RBFOX1: variants seen among roughly 807,000 people sequenced by gnomAD.
RBFOX1 encodes the protein RNA binding fox-1 homolog 1.
A neutral mutation model predicts 57.7 loss-of-function variants in RBFOX1; 8 were observed. The ratio of observed to expected loss-of-function variants is 0.14; its 90% CI spans 0.08 to 0.25. The LOEUF is 0.25. Ranked by LOEUF, RBFOX1 falls within the 10% of genes least tolerant of loss-of-function variation. The pLI, the probability that RBFOX1 is intolerant of heterozygous loss-of-function variation, is 1.00. For synonymous variants in RBFOX1, 326 were observed against 222.4 expected (o/e 1.47, Z -4.15); for missense variants, 611 against 548.5 (o/e 1.11, Z -1.14).
In RBFOX1 at chr16:7,031,063, T is replaced by G. The variant is rs1161985401; in HGVS notation, c.-15-20994T>G. On this transcript the variant is annotated intron_variant, in intron 3 of 15. Transcript: ENST00000550418. ...GATGGTGTATGATGCTGATGCTGCTTCTTCCAAGGAGGGTAGCCAGGGTTG... is the reference window on the plus strand; with the variant it reads ...GATGGTGTATGATGCTGATGCTGCTGCTTCCAAGGAGGGTAGCCAGGGTTG... 5.3e-5 allele frequency among the ~76,000 whole-genome samples: 8 copies of G among 152,310 alleles called. No individual in the cohort carries two copies. In the South Asian group the frequency reaches 6.2e-4, roughly 12 times the overall value.
chr16:7,417,408 TGTTCCCCCA>T (rs1268253786), intron 4 of RBFOX1, among the ~76,000 whole-genome samples: 1 of 148,848 alleles, frequency 6.7e-6, no homozygotes, highest in Non-Finnish European at 1.5e-5. Flanking sequence ...CCCCATATCC[TGTTCCCCCA>T]GTTTCCCCAG....
intron 4 of RBFOX1, among the ~76,000 whole-genome samples, chr16:7,429,704 C>T (rs2098659843): frequency 6.6e-6 from 1 of 152,106 alleles, no homozygotes; most frequent in South Asian, 2.1e-4. Flanking sequence ...TATATCTTTT[C>T]CCTTGGGAAT....
intron 3 of RBFOX1, among the ~76,000 whole-genome samples, chr16:7,004,823 G>C (rs368179557): frequency 2.0e-5 from 3 of 152,156 alleles, no homozygotes; most frequent in African/African-American, 7.2e-5. Context: ...TGGGTCAGCT[G>C]TTGGAACCTG....
At chr16:7,308,834 T>G (rs1481816027) in intron 4 of RBFOX1, among the ~76,000 whole-genome samples, 3 of 152,154 alleles carry the variant, frequency 2.0e-5, no homozygotes, top group African/African-American at 7.2e-5. Context: ...TTGGAAACAT[T>G]AGGTAGGTCA....
intron 1 of RBFOX1, among the ~76,000 whole-genome samples, chr16:5,350,991 C>G (rs117825514): frequency 0.02 from 3,013 of 152,262 alleles, 48 homozygotes; most frequent in South Asian, 0.083. Context: ...GTTAGCTACT[C>G]TCAGTGTTTG....
At chr16:5,659,593 C>G (rs2049579026) in intron 3 of RBFOX1, among the ~76,000 whole-genome samples, 1 of 152,084 alleles carries the variant, frequency 6.6e-6, no homozygotes. Flanking sequence ...ATGAGCCACA[C>G]CGTGCCTGGC....
chr16:6,797,385 C>T (rs897929359), intron 3 of RBFOX1, among the ~76,000 whole-genome samples: 1 of 151,788 alleles, frequency 6.6e-6, no homozygotes, highest in Non-Finnish European at 1.5e-5. Context: ...AACAGGTGGT[C>T]GAAAGAGAGA....
intron 2 of RBFOX1, among the ~76,000 whole-genome samples, chr16:6,484,773 T>A (rs1047222278): frequency 3.9e-5 from 6 of 152,198 alleles, no homozygotes; most frequent in African/African-American, 1.4e-4. Context: ...CAGTGTCACC[T>A]TAGTAAAACG....
chr16:6,700,823 CAT>C (rs535920856), intron 3 of RBFOX1, among the ~76,000 whole-genome samples: 186 of 152,182 alleles, frequency 1.2e-3, no homozygotes, highest in African/African-American at 4.4e-3. Flanking sequence ...TGGTTCATGA[CAT>C]ATAGAATTTA....
chr16:5,466,518 G>C (rs926029395), intron 1 of RBFOX1, among the ~76,000 whole-genome samples: 3 of 152,180 alleles, frequency 2.0e-5, no homozygotes, highest in Admixed American at 2.0e-4. Context: ...TCTTCCTCAA[G>C]GCAGCTAGGG....
intron 1 of RBFOX1, among the ~76,000 whole-genome samples, chr16:6,059,777 T>C (rs1347417056): frequency 6.6e-6 from 1 of 152,134 alleles, no homozygotes; most frequent in Non-Finnish European, 1.5e-5. Context: ...TCAGATAATG[T>C]ACATTTCACA....
At chr16:7,145,374 T>A (rs943636962) in intron 4 of RBFOX1, among the ~76,000 whole-genome samples, 1 of 152,080 alleles carries the variant, frequency 6.6e-6, no homozygotes, top group Non-Finnish European at 1.5e-5. Context: ...CTGGTTCATT[T>A]TTTTGTATTT....
At chr16:5,442,265 C>G (rs1327933690) in intron 1 of RBFOX1, among the ~76,000 whole-genome samples, 1 of 152,192 alleles carries the variant, frequency 6.6e-6, no homozygotes, top group Non-Finnish European at 1.5e-5. Flanking sequence ...TAGTACTGCA[C>G]AGGGATGTTG....
At chr16:6,411,607 T>A (rs1287312213) in intron 2 of RBFOX1, among the ~76,000 whole-genome samples, 1 of 152,174 alleles carries the variant, frequency 6.6e-6, no homozygotes, top group African/African-American at 2.4e-5. Context: ...AATTTGAAAA[T>A]AGATAAATAA....
At chr16:6,062,588 G>T (rs1335681645) in intron 1 of RBFOX1, among the ~76,000 whole-genome samples, 1 of 82,072 alleles carries the variant, frequency 1.2e-5, no homozygotes, top group East Asian at 2.5e-4. Flanking sequence ...TATAGAGATT[G>T]TATATATGTA....
Position 7,336,041 on chromosome 16 carries a change from T to C in RBFOX1, c.28-182106T>C, listed in dbSNP as rs146626910. Among the ~76,000 whole-genome samples, 96 of 152,318 alleles carry C rather than the reference T, an allele frequency of 6.3e-4. No individual in the cohort carries two copies. In the Middle Eastern group the frequency reaches 0.024, roughly 38 times the overall value. ...CTTGATAGAGATCCCGATGTTGATA[T>C]CTTTGGATAAGAAGAACCAATGTAC... On this transcript the variant is annotated intron_variant, in intron 4 of 15. Transcript: ENST00000550418.
At chr16:6,067,648 C>A (rs2095784466) in intron 1 of RBFOX1, among the ~76,000 whole-genome samples, 1 of 152,120 alleles carries the variant, frequency 6.6e-6, no homozygotes, top group South Asian at 2.1e-4. Flanking sequence ...CTAGAGAAAT[C>A]TTTCTCCATA....
chr16:5,943,410 G>A (rs767891314), intron 4 of RBFOX1, among the ~76,000 whole-genome samples: 7 of 152,132 alleles, frequency 4.6e-5, no homozygotes, highest in Non-Finnish European at 8.8e-5. Context: ...CCAGGTGCTC[G>A]TTTAAGTGGA....
At chr16:6,649,074 T>G (rs1202133267) in intron 2 of RBFOX1, among the ~76,000 whole-genome samples, 2 of 152,222 alleles carry the variant, frequency 1.3e-5, no homozygotes, top group African/African-American at 4.8e-5. Flanking sequence ...CACTGAAATT[T>G]TATGTCTTTA....
Sources: allele counts gnomAD v4.1 joint callset (sites outside exome capture counted in the v4.1 genomes callset), GRCh38; gene constraint gnomAD v4.1.1; transcripts MANE v1.5; gene names NCBI Gene and HGNC (gene_info 2026-07-23, HGNC 2026-07-21).